The following TMEM232 variants were observed in gnomAD, a reference collection of about 807,000 sequenced individuals.
TMEM232 encodes the protein transmembrane protein 232.
A neutral mutation model predicts 78.8 loss-of-function variants in TMEM232; 80 were observed. That is an observed-to-expected ratio of 1.01 (90% CI 0.85 to 1.22). The LOEUF (loss-of-function observed/expected upper bound fraction) is 1.22. TMEM232 is among the 50% of genes most tolerant of loss of function. TMEM232 has a pLI of 0.00. For missense variants in TMEM232, 881 were observed against 742.2 expected (o/e 1.19, Z -2.17); for synonymous variants, 297 against 254.3 (o/e 1.17, Z -1.60).
chr5:110,651,350 T>C (rs1788273511), intron 2 of TMEM232, among the ~76,000 whole-genome samples: 1 of 144,032 alleles, frequency 6.9e-6, no homozygotes, highest in African/African-American at 2.6e-5. Context: ...GGAGAGACAT[T>C]TGAGTTGAAA....
chr5:110,584,622 G>A (rs76373576), intron 10 of TMEM232, among the ~76,000 whole-genome samples: 2 of 152,208 alleles, frequency 1.3e-5, no homozygotes, highest in Admixed American at 1.3e-4. Flanking sequence ...GATTAAATTA[G>A]TGATGTCTCT....
chr5:110,721,393 G>C (rs1011953386), intron 1 of TMEM232, among the ~76,000 whole-genome samples: 10 of 151,630 alleles, frequency 6.6e-5, no homozygotes, highest in African/African-American at 2.4e-4. Context: ...GTAACATCTA[G>C]AAATGCATGG....
At chr5:110,584,720 T>C (rs546374766) in intron 10 of TMEM232, among the ~76,000 whole-genome samples, 2 of 152,214 alleles carry the variant, frequency 1.3e-5, no homozygotes, top group South Asian at 4.1e-4. Flanking sequence ...TTCTGGACCA[T>C]ATTAAATGAC....
In TMEM232 at chr5:110,489,161, T is replaced by C. The variant is rs553994947; in HGVS notation, c.1703+39427A>G. Among the ~76,000 whole-genome samples, 466 of 152,060 alleles carry C rather than the reference T, an allele frequency of 3.1e-3. 3 individuals are homozygous for C. Among genetic ancestry groups the C allele is most frequent in the African/African-American group, 0.011 (445 of 41,554 alleles). ...TTAACATCATTCTTTCATAAATGTC[T>C]CACTTAATTCTATGAGGCTAGTATT... On this transcript the variant is annotated intron_variant, in intron 12 of 13. Transcript: ENST00000455884.
At chr5:110,567,552 T>C (rs954642632) in intron 11 of TMEM232, among the ~76,000 whole-genome samples, 2 of 151,940 alleles carry the variant, frequency 1.3e-5, no homozygotes, top group Non-Finnish European at 2.9e-5. Flanking sequence ...TCACTAACTA[T>C]AGGATGCCCT....
intron 1 of TMEM232, among the ~76,000 whole-genome samples, chr5:110,708,277 T>C (rs901856962): frequency 6.6e-6 from 1 of 152,158 alleles, no homozygotes; most frequent in African/African-American, 2.4e-5. Flanking sequence ...GAAAAAAGAC[T>C]TTCCAAGGCA....
chr5:110,509,581 G>A (rs1353081222), intron 12 of TMEM232, among the ~76,000 whole-genome samples: 1 of 152,048 alleles, frequency 6.6e-6, no homozygotes, highest in Non-Finnish European at 1.5e-5. Context: ...TTTTATTAGA[G>A]AATATAAATT....
chr5:110,697,118 C>G (rs976205645), intron 1 of TMEM232, among the ~76,000 whole-genome samples: 1 of 152,018 alleles, frequency 6.6e-6, no homozygotes, highest in South Asian at 2.1e-4. Flanking sequence ...CAACGGAACA[C>G]AACAGAGCCC....
At chr5:110,628,828 T>C (rs1352856849) in intron 5 of TMEM232, 1 of 152,030 alleles carries the variant, frequency 6.6e-6, no homozygotes, top group Non-Finnish European at 1.5e-5. Flanking sequence ...AGTAAATAAG[T>C]AACATTACTG....
upstream of TMEM232, among the ~76,000 whole-genome samples, chr5:110,731,107 G>C (rs1032732937): frequency 1.3e-5 from 2 of 152,212 alleles, no homozygotes; most frequent in African/African-American, 4.8e-5. Context: ...CAGGGCCCAT[G>C]CAAGTCTGAA....
chr5:110,400,883 G>A (rs1755567398), intron 2 of TMEM232, among the ~76,000 whole-genome samples: 1 of 151,886 alleles, frequency 6.6e-6, no homozygotes, highest in Non-Finnish European at 1.5e-5. Flanking sequence ...CTAGCTCCTA[G>A]GTAAAATTGT....
chr5:110,712,513 C>T (rs1308803327), intron 1 of TMEM232, among the ~76,000 whole-genome samples: 3 of 152,096 alleles, frequency 2.0e-5, no homozygotes, highest in Non-Finnish European at 4.4e-5. Context: ...CATCATTGAT[C>T]ATCAGAGAAA....
intron 1 of TMEM232, among the ~76,000 whole-genome samples, chr5:110,691,346 T>A (rs1794098539): frequency 6.6e-6 from 1 of 152,236 alleles, no homozygotes; most frequent in African/African-American, 2.4e-5. Flanking sequence ...AAATCTCCTT[T>A]ATTCACCATA....
At chr5:110,660,346 A>T (rs544295765) in intron 2 of TMEM232, among the ~76,000 whole-genome samples, 1 of 152,214 alleles carries the variant, frequency 6.6e-6, no homozygotes, top group Admixed American at 6.6e-5. Context: ...AGTTTTAAAC[A>T]TTTTTCTAGA....
At chr5:110,683,533 C>T (rs1793019936) in intron 1 of TMEM232, among the ~76,000 whole-genome samples, 1 of 151,774 alleles carries the variant, frequency 6.6e-6, no homozygotes, top group South Asian at 2.1e-4. Flanking sequence ...ACAAAAACTG[C>T]TTTTAAAATT....
chr5:110,674,225 C>T (rs929153174), intron 1 of TMEM232, among the ~76,000 whole-genome samples: 8 of 152,028 alleles, frequency 5.3e-5, no homozygotes, highest in Non-Finnish European at 1.2e-4. Flanking sequence ...CTTTACTAGA[C>T]CTTTCTTGGT....
At chr5:110,559,829 T>C (rs1775541488) in intron 11 of TMEM232, among the ~76,000 whole-genome samples, 1 of 152,152 alleles carries the variant, frequency 6.6e-6, no homozygotes, top group Admixed American at 6.6e-5. Flanking sequence ...TCAGAGGGCT[T>C]TGAGGAAGAA....
intron 12 of TMEM232, among the ~76,000 whole-genome samples, chr5:110,471,331 AACTT>A (rs1020413780): frequency 2.6e-5 from 4 of 152,114 alleles, no homozygotes; most frequent in East Asian, 1.9e-4. Context: ...GCAGACAGAA[AACTT>A]ACTTAATAAA....
chr5:110,694,909 C>A (rs114623234), intron 1 of TMEM232, among the ~76,000 whole-genome samples: 1 of 152,150 alleles, frequency 6.6e-6, no homozygotes, highest in African/African-American at 2.4e-5. Flanking sequence ...AGAAAGTTCA[C>A]AAGGATATCC....
Sources: allele counts gnomAD v4.1 joint callset (sites outside exome capture counted in the v4.1 genomes callset), GRCh38; gene constraint gnomAD v4.1.1; transcripts MANE v1.5; gene names NCBI Gene and HGNC (gene_info 2026-07-23, HGNC 2026-07-21).